The following TRPM2 variants were observed in gnomAD, a reference collection of about 807,000 sequenced individuals.
TRPM2 encodes the protein transient receptor potential cation channel subfamily M member 2.
Under a neutral mutation model 174.0 loss-of-function variants are expected in TRPM2, and 161 were observed. The observed-to-expected ratio is 0.93, with a 90% CI of 0.81 to 1.05. The LOEUF (loss-of-function observed/expected upper bound fraction) is 1.05. Ranked by LOEUF, TRPM2 falls within the 50% of genes least tolerant of loss-of-function variation. TRPM2 has a pLI of 0.00. For missense variants in TRPM2, 2,057 were observed against 2,038.0 expected (o/e 1.01, Z -0.18); for synonymous variants, 954 against 861.3 (o/e 1.11, Z -1.88).
rs891793883 is a variant in TRPM2, at chr21:44,442,368, G to A, written c.*551G>A. ...CTGACTGTCAGGATAAACTCCGTGG[G>A]GGTACAGGAGCCCAGACAAAGCCCA... On this transcript the variant is annotated 3_prime_UTR_variant, in exon 32 of 32. Transcript: ENST00000397928. 1.3e-5 allele frequency: 2 copies of A among 152,252 alleles called. No individual in the cohort carries two copies. The highest frequency in any genetic ancestry group is 4.8e-5 in the African/African-American group (2 of 41,452). The allele number at this position is 152,252 out of a possible 1,614,324, so 9.4% of individuals were successfully genotyped here. A position where few individuals can be genotyped will look rare whatever the true frequency, so the allele number is the denominator to read the frequency against.
chr21:44,412,913 T>C (rs138255055), intron 19 of TRPM2, among the ~76,000 whole-genome samples: 1 of 152,256 alleles, frequency 6.6e-6, no homozygotes, highest in African/African-American at 2.4e-5. Flanking sequence ...TAGGTTTGAT[T>C]ACCCAATAAT....
intron 27 of TRPM2, 100 bp from the exon 28 acceptor site, chr21:44,435,031 C>T (rs1038846825): frequency 1.6e-4 from 186 of 1,173,176 alleles, no homozygotes; most frequent in Non-Finnish European, 2.2e-4. Context: ...CGCTGTGCGC[C>T]GGCTCCTGAC....
chr21:44,395,378 G>A (rs1457057759), intron 11 of TRPM2, 36 bp from the exon 12 acceptor site: 1 of 1,607,150 alleles, frequency 6.2e-7, no homozygotes. Flanking sequence ...GAGCCAGGCG[G>A]CCCGGCTGGG....
intron 20 of TRPM2, among the ~76,000 whole-genome samples, chr21:44,417,701 C>T (rs560331813): frequency 5.9e-5 from 8 of 135,178 alleles, no homozygotes; most frequent in African/African-American, 2.0e-4. Context: ...GGCACGTGGG[C>T]GTGGCTCTGC....
intron 5 of TRPM2, among the ~76,000 whole-genome samples, chr21:44,375,436 G>A (rs1165745694): frequency 6.6e-6 from 1 of 152,230 alleles, no homozygotes; most frequent in Non-Finnish European, 1.5e-5. Flanking sequence ...TGAAACAGCA[G>A]CATTGTGGTC....
rs868790549 is a variant in TRPM2 at position 44,440,206 on chromosome 21, G to A, written c.4270-583G>A. On this transcript the variant is annotated intron_variant, in intron 30 of 31. Transcript: ENST00000397928. The stretch of plus-strand genomic sequence containing the variant: ...ACAAAAATTAGCCAGGCCTGATGGC[G>A]CACACCTGTAATCTCAGCTACTTGG... Among the ~76,000 whole-genome samples, 73 of 145,988 alleles carry A rather than the reference G, an allele frequency of 5.0e-4. No individual in the cohort carries two copies. In the Middle Eastern group the frequency reaches 0.01, roughly 21 times the overall value.
intron 9 of TRPM2, among the ~76,000 whole-genome samples, chr21:44,386,195 C>T (rs953314551): frequency 2.6e-5 from 4 of 152,136 alleles, no homozygotes; most frequent in Non-Finnish European, 4.4e-5. Flanking sequence ...ACCATCCTGG[C>T]TAACATGGTG....
intron 2 of TRPM2, among the ~76,000 whole-genome samples, chr21:44,356,595 G>T (rs1018357615): frequency 5.4e-5 from 8 of 148,584 alleles, no homozygotes; most frequent in Non-Finnish European, 1.2e-4. Context: ...GCAATGGCAT[G>T]ATCTTGGCTC....
chr21:44,411,136 G>C (rs1264551609), intron 19 of TRPM2, among the ~76,000 whole-genome samples: 4 of 152,118 alleles, frequency 2.6e-5, no homozygotes, highest in Admixed American at 6.6e-5. Flanking sequence ...TCTTTTCCAG[G>C]ATTGCTTTGG....
At chr21:44,365,815 G>A (rs147201405) in intron 3 of TRPM2, among the ~76,000 whole-genome samples, 30 of 152,304 alleles carry the variant, frequency 2.0e-4, no homozygotes, top group African/African-American at 6.0e-4. Context: ...GCCCGGGAGC[G>A]TCCACCATGC....
Position 44,367,981 on chromosome 21 carries a change from G to A in TRPM2, c.604+1047G>A, listed in dbSNP as rs1427789364. Among the ~76,000 whole-genome samples, 1 of 152,214 alleles carries A rather than the reference G, an allele frequency of 6.6e-6. No homozygotes were observed. Among genetic ancestry groups the A allele is most frequent in the East Asian group, 1.9e-4 (1 of 5,202 alleles). ...CAAATAATGCCATGGATTTGTTCAG[G>A]TCTCACCTGCTCCAGGTCTTGATGT... On this transcript the variant is annotated intron_variant, in intron 4 of 31. Coordinates refer to ENST00000397928, the MANE Select transcript of TRPM2 (RefSeq NM_003307.4). This position sits in a 1 kb window ranked among gnomAD's most constrained non-coding sequence, Gnocchi z 4.6.
At chr21:44,368,033 T>C (rs1191190629) in intron 4 of TRPM2, among the ~76,000 whole-genome samples, 1 of 152,252 alleles carries the variant, frequency 6.6e-6, no homozygotes, top group African/African-American at 2.4e-5. Context: ...TCAATATCCG[T>C]GTCCTTGTTG....
rs1188082860 is a variant in TRPM2, at chr21:44,367,636, A to G, written c.604+702A>G. Among the ~76,000 whole-genome samples the G allele has an allele frequency of 6.6e-6, 1 of 152,114 alleles. No homozygotes were observed. Among genetic ancestry groups the G allele is most frequent in the Non-Finnish European group, 1.5e-5 (1 of 68,006 alleles). On this transcript the variant is annotated intron_variant, in intron 4 of 31. Transcript: ENST00000397928. This position sits in a 1 kb window ranked among gnomAD's most constrained non-coding sequence, Gnocchi z 4.6. ...TGGGCCTCCCTGGAGGGGACTGTGG[A>G]TGAATAGTGAGGCCCTGAGGTGACT...
intron 19 of TRPM2, among the ~76,000 whole-genome samples, chr21:44,411,556 A>T (rs2050107963): frequency 6.6e-6 from 1 of 152,088 alleles, no homozygotes; most frequent in African/African-American, 2.4e-5. Context: ...TTCCTTTCCA[A>T]ACTGGTTGCC....
At chr21:44,407,337 G>A (rs1407349149) in intron 19 of TRPM2, among the ~76,000 whole-genome samples, 1 of 149,138 alleles carries the variant, frequency 6.7e-6, no homozygotes, top group Non-Finnish European at 1.5e-5. Context: ...ATGTGGCCCA[G>A]GCTAGTATCG....
intron 9 of TRPM2, 115 bp downstream of exon 9, chr21:44,382,935 G>C (rs1224968738): frequency 1.8e-6 from 2 of 1,139,938 alleles, no homozygotes; most frequent in Non-Finnish European, 2.5e-6. Context: ...TTCCTCCTTG[G>C]TCAGAAACCC....
At chr21:44,381,981 GATAGATAGATA>G (rs2048893913) in intron 8 of TRPM2, among the ~76,000 whole-genome samples, 2 of 151,342 alleles carry the variant, frequency 1.3e-5, no homozygotes, top group African/African-American at 4.9e-5. Flanking sequence ...TAGATAGATA[GATAGATAGATA>G]GATGGATGAT....
chr21:44,366,742 C>T lies in TRPM2; in HGVS notation c.424-12C>T. 1 of 1,613,914 alleles carries T rather than the reference C, an allele frequency of 6.2e-7. No homozygotes were observed. Among genetic ancestry groups the T allele is most frequent in the Non-Finnish European group, 8.5e-7 (1 of 1,179,980 alleles). Reference sequence around the variant, plus strand: ...CACACAGGTTCCCTCCGCCGTTTTCCCTTTCCCGCAGTACGTCCGAGTCTC... The same window carrying T: ...CACACAGGTTCCCTCCGCCGTTTTCTCTTTCCCGCAGTACGTCCGAGTCTC... On this transcript the variant is annotated splice_polypyrimidine_tract_variant and intron_variant, in intron 3 of 31. Transcript: ENST00000397928. The surrounding 1 kb of genome is among the most constrained non-coding windows in gnomAD (Gnocchi z 6.0).
chr21:44,397,605 T>G, intron 12 of TRPM2, 142 bp from the exon 13 acceptor site: 1 of 878,510 alleles, frequency 1.1e-6, no homozygotes, highest in Non-Finnish European at 1.6e-6. Flanking sequence ...GTTGTCTGTA[T>G]AGATGTGGTC....
Sources: allele counts gnomAD v4.1 joint callset (sites outside exome capture counted in the v4.1 genomes callset), GRCh38; gene constraint gnomAD v4.1.1; non-coding constraint Gnocchi (gnomAD v3.1); transcripts MANE v1.5; gene names NCBI Gene and HGNC (gene_info 2026-07-23, HGNC 2026-07-21).